Variants in DERA observed in about 807,000 individuals in gnomAD.
DERA encodes 2-deoxy-D-ribose 5-phosphate aldolase.
A neutral mutation model predicts 41.1 loss-of-function variants in DERA; 15 were observed. The ratio of observed to expected loss-of-function variants is 0.37; its 90% CI spans 0.24 to 0.56. The LOEUF is 0.56. DERA is among the 20% of genes least tolerant of loss of function. The probability of loss-of-function intolerance (pLI) is 0.81; values close to 1 mark genes in which losing one functional copy is unlikely to be tolerated. For missense variants in DERA, 396 were observed against 403.4 expected, an observed-to-expected ratio of 0.98 and a Z score of 0.16; for synonymous variants, 139 against 137.4, an observed-to-expected ratio of 1.01 and a Z score of -0.08.
rs1248011712 is a variant in DERA, at chr12:15,996,447, A to G, written c.637+14011A>G. Among the ~76,000 whole-genome samples the G allele has an allele frequency of 1.3e-5, 2 of 152,010 alleles. No homozygotes were observed. The highest frequency in any genetic ancestry group is 4.8e-5 in the African/African-American group (2 of 41,374). ...TTCTGGCTTCTGGTGTTTGCCAGCA[A>G]TGCTTGACATACCTTGGCTTCACTC... On this transcript the variant is annotated intron_variant, in intron 6 of 8. Coordinates refer to ENST00000428559, the MANE Select transcript of DERA (RefSeq NM_015954.4). This position sits in a 1 kb window ranked among gnomAD's most constrained non-coding sequence, Gnocchi z 4.7.
intron 6 of DERA, among the ~76,000 whole-genome samples, chr12:16,016,274 A>G (rs150928738): frequency 2.0e-4 from 31 of 152,250 alleles, no homozygotes; most frequent in African/African-American, 7.5e-4. Flanking sequence ...CTCCCTTCAC[A>G]TAACTCTCCT....
In DERA at chr12:15,982,267, C is replaced by G. The variant is rs201513099; in HGVS notation, c.509-41C>G. The G allele has an allele frequency of 9.4e-6, 15 of 1,592,334 alleles. No individual in the cohort carries two copies. The Admixed American group carries it at 2.7e-4, about 29-fold the overall frequency. On this transcript the variant is annotated intron_variant, in intron 5 of 8. Transcript: ENST00000428559. The surrounding 1 kb of genome is among the most constrained non-coding windows in gnomAD (Gnocchi z 4.0). ...AAACGGCTGCCAAGTTATGTTATCA[C>G]TTGCCTGCTTTGTAACTGCCTCAAT...
rs1290362087 is a variant in DERA at position 16,021,327 on chromosome 12, G to T, written c.638-11215G>T. ...AACTGATACAGCTCAGGCTGCTGCT[G>T]TGGAGAGTACAAGTTGTAAGCCTTG... is the stretch of plus-strand genomic sequence containing the variant. On this transcript the variant is annotated intron_variant, in intron 6 of 8. Transcript: ENST00000428559. The surrounding 1 kb of genome is among the most constrained non-coding windows in gnomAD (Gnocchi z 5.3). 6.6e-6 allele frequency among the ~76,000 whole-genome samples: 1 copy of T among 152,222 alleles called. No individual in the cohort carries two copies. Among genetic ancestry groups the T allele is most frequent in the Non-Finnish European group, 1.5e-5 (1 of 68,038 alleles).
chr12:15,911,596 C>T lies in DERA; in HGVS notation c.31+182C>T, dbSNP rs1016029834. On this transcript the variant is annotated intron_variant, in intron 1 of 8. Transcript: ENST00000428559. This position sits in a 1 kb window ranked among gnomAD's most constrained non-coding sequence, Gnocchi z 4.5. ...GTAAAGGCCGAACCCGGCACGTTCG[C>T]GCCGCTTGTCTTTGCACCTAAGCTT... 2.4e-5 allele frequency: 17 copies of T among 709,376 alleles called. No individual in the cohort carries two copies. The Middle Eastern group carries it at 1.2e-3, about 48-fold the overall frequency. 43.9% of individuals were successfully genotyped at this position (709,376 alleles called of 1,614,324 possible).
At chr12:15,927,768 ACC>A (rs1948298147) in intron 1 of DERA, among the ~76,000 whole-genome samples, 1 of 152,178 alleles carries the variant, frequency 6.6e-6, no homozygotes, top group African/African-American at 2.4e-5. Flanking sequence ...TATTCATATA[ACC>A]TTCACATTCC....
chr12:15,999,388 A>G lies in DERA; in HGVS notation c.637+16952A>G, dbSNP rs1948860090. On this transcript the variant is annotated intron_variant, in intron 6 of 8. Transcript: ENST00000428559. The surrounding 1 kb of genome is among the most constrained non-coding windows in gnomAD (Gnocchi z 5.3). ...GGTGAAGAAGTGAAAAATAGGGTTT[A>G]TGATTTGTCATTTTGGGAAAGCAGG... Among the ~76,000 whole-genome samples the G allele has an allele frequency of 6.6e-6, 1 of 152,202 alleles. No homozygotes were observed. The highest frequency in any genetic ancestry group is 1.5e-5 in the Non-Finnish European group (1 of 68,040).
intron 1 of DERA, among the ~76,000 whole-genome samples, chr12:15,934,651 A>G (rs1246115947): frequency 6.6e-6 from 1 of 152,118 alleles, no homozygotes; most frequent in Non-Finnish European, 1.5e-5. Context: ...TCAAAACAAA[A>G]TGGGTGGGAA....
At position 16,013,348 on chromosome 12, in the gene DERA, G is replaced by A. The variant is rs1948959071; in HGVS notation, c.638-19194G>A. 2.0e-5 allele frequency among the ~76,000 whole-genome samples: 3 copies of A among 152,118 alleles called. No homozygotes were observed. The highest frequency in any genetic ancestry group is 2.0e-4 in the Admixed American group (3 of 15,276). ...CCACATGTTAAAGGTGAGACCAGGT[G>A]GAGGTAATTGAATCATGAGGGCAGT... On this transcript the variant is annotated intron_variant, in intron 6 of 8. Coordinates refer to ENST00000428559, the MANE Select transcript of DERA (RefSeq NM_015954.4). The surrounding 1 kb of genome is among the most constrained non-coding windows in gnomAD (Gnocchi z 5.8).
At chr12:15,987,865 C>T (rs117348687) in intron 6 of DERA, among the ~76,000 whole-genome samples, 94 of 152,210 alleles carry the variant, frequency 6.2e-4, no homozygotes, top group East Asian at 5.6e-3. Flanking sequence ...TGGCCTGGGT[C>T]GCACAGCTGC....
intron 2 of DERA, 73 bp from the exon 3 acceptor site, chr12:15,958,115 A>G (rs1948554070): frequency 7.6e-7 from 1 of 1,309,164 alleles, no homozygotes; most frequent in Admixed American, 2.6e-5. Flanking sequence ...TTCTCTACTA[A>G]CCACCTGGGT....
intron 5 of DERA, among the ~76,000 whole-genome samples, chr12:15,964,741 A>G (rs187383847): frequency 6.6e-6 from 1 of 152,350 alleles, no homozygotes; most frequent in East Asian, 1.9e-4. Context: ...GGTTTATATT[A>G]TAACTTACAC....
chr12:15,992,806 C>T lies in DERA; in HGVS notation c.637+10370C>T, dbSNP rs1035196267. ...GAAAAGTGGCTTTATCTTTCAGTAG[C>T]GGTGGACTGTTCGCACACACTCAAC... On this transcript the variant is annotated intron_variant, in intron 6 of 8. Coordinates refer to ENST00000428559, the MANE Select transcript of DERA (RefSeq NM_015954.4). The surrounding 1 kb of genome is among the most constrained non-coding windows in gnomAD (Gnocchi z 4.3). 1.3e-5 allele frequency among the ~76,000 whole-genome samples: 2 copies of T among 152,206 alleles called. No individual in the cohort carries two copies. The highest frequency in any genetic ancestry group is 6.5e-5 in the Admixed American group (1 of 15,292).
intron 1 of DERA, among the ~76,000 whole-genome samples, chr12:15,948,749 C>T (rs111323703): frequency 1.9e-4 from 29 of 152,330 alleles, no homozygotes; most frequent in African/African-American, 5.3e-4. Flanking sequence ...CGAGAAGCTG[C>T]GTTCCTTTGG....
intron 6 of DERA, among the ~76,000 whole-genome samples, chr12:16,028,893 A>G (rs1041864551): frequency 6.6e-6 from 1 of 152,232 alleles, no homozygotes; most frequent in South Asian, 2.1e-4. Context: ...AGAGCAATCT[A>G]TGGAGGCCTG....
chr12:16,011,138 T>C lies in DERA; in HGVS notation c.638-21404T>C, dbSNP rs1948944138. 6.6e-6 allele frequency among the ~76,000 whole-genome samples: 1 copy of C among 152,186 alleles called. No homozygotes were observed. Among genetic ancestry groups the C allele is most frequent in the Non-Finnish European group, 1.5e-5 (1 of 68,014 alleles). On this transcript the variant is annotated intron_variant, in intron 6 of 8. Transcript: ENST00000428559. This position sits in a 1 kb window ranked among gnomAD's most constrained non-coding sequence, Gnocchi z 4.7. ...GATTCCACACAAGCATACCTGACTT[T>C]TAATGTTAATATATACTATATATTC... is the stretch of plus-strand genomic sequence containing the variant.
At chr12:16,024,623 C>G (rs76320896) in intron 6 of DERA, among the ~76,000 whole-genome samples, 1 of 152,160 alleles carries the variant, frequency 6.6e-6, no homozygotes, top group Non-Finnish European at 1.5e-5. Flanking sequence ...AGCAAAGCTT[C>G]CCAAGGCTTC....
intron 5 of DERA, among the ~76,000 whole-genome samples, chr12:15,971,636 C>A (rs1295775554): frequency 2.0e-5 from 3 of 151,560 alleles, no homozygotes; most frequent in African/African-American, 7.3e-5. Context: ...CCTGCCTCAG[C>A]GTCCCGAGTA....
chr12:16,026,398 T>A lies in DERA; in HGVS notation c.638-6144T>A, dbSNP rs950273114. 1.3e-5 allele frequency among the ~76,000 whole-genome samples: 2 copies of A among 151,782 alleles called. No homozygotes were observed. Among genetic ancestry groups the A allele is most frequent in the Non-Finnish European group, 2.9e-5 (2 of 67,878 alleles). On this transcript the variant is annotated intron_variant, in intron 6 of 8. Transcript: ENST00000428559. The surrounding 1 kb of genome is among the most constrained non-coding windows in gnomAD (Gnocchi z 4.4). ...ATATTAAAAGGATTATAAAGGAATG[T>A]GTGAACAGCTCTATTTTCACAAATT...
chr12:15,912,091 A>T (rs1428679814), intron 1 of DERA, among the ~76,000 whole-genome samples: 1 of 150,868 alleles, frequency 6.6e-6, no homozygotes, highest in Admixed American at 6.6e-5. Flanking sequence ...GTCATAGGAC[A>T]GTAGTGGAGG....
Sources: allele counts gnomAD v4.1 joint callset (sites outside exome capture counted in the v4.1 genomes callset), GRCh38; gene constraint gnomAD v4.1.1; non-coding constraint Gnocchi (gnomAD v3.1); transcripts MANE v1.5; gene names NCBI Gene and HGNC (gene_info 2026-07-23, HGNC 2026-07-21).